The following MIR2052HG variants were observed in gnomAD, a reference collection of about 807,000 sequenced individuals.
The protein encoded by MIR2052HG is MIR2052 host gene.
intron 2 of MIR2052HG, among the ~76,000 whole-genome samples, chr8:74,688,403 C>A (rs1346355200): frequency 6.6e-6 from 1 of 152,134 alleles, no homozygotes; most frequent in Non-Finnish European, 1.5e-5. Context: ...AAGAACTAAT[C>A]ATTTAATGTA....
intron 2 of MIR2052HG, among the ~76,000 whole-genome samples, chr8:74,693,497 C>T (rs1809260783): frequency 6.6e-6 from 1 of 151,242 alleles, no homozygotes; most frequent in African/African-American, 2.4e-5. Context: ...GGCAGGATTC[C>T]TGAAAGCCCT....
chr8:74,602,817 G>GTTTCTTTCTCTTTCTTTCTTTCTTTC (rs1808023445), intron 1 of MIR2052HG, among the ~76,000 whole-genome samples: 1 of 73,786 alleles, frequency 1.4e-5, no homozygotes, highest in African/African-American at 6.3e-5. Context: ...GCCCGGCCGT[G>GTTTCTTTCTCTTTCTTTCTTTCTTTC]TTTCTTTCTT....
chr8:74,742,954 G>A (rs1289981068), intron 4 of MIR2052HG, among the ~76,000 whole-genome samples: 1 of 151,644 alleles, frequency 6.6e-6, no homozygotes, highest in East Asian at 1.9e-4. Flanking sequence ...TTTGGTTGTG[G>A]AAAAAAAATG....
chr8:74,697,602 G>C (rs1040116310), intron 2 of MIR2052HG, among the ~76,000 whole-genome samples: 9 of 151,982 alleles, frequency 5.9e-5, no homozygotes, highest in African/African-American at 2.2e-4. Context: ...AAAAGCTCCT[G>C]GAACTGATAA....
At chr8:74,653,582 G>T (rs771428853) in intron 2 of MIR2052HG, among the ~76,000 whole-genome samples, 2 of 152,106 alleles carry the variant, frequency 1.3e-5, no homozygotes, top group Non-Finnish European at 2.9e-5. Context: ...ACTGATGTAA[G>T]AATTGAGTGT....
At chr8:74,707,068 T>C (rs986127730) in intron 4 of MIR2052HG, among the ~76,000 whole-genome samples, 1 of 152,148 alleles carries the variant, frequency 6.6e-6, no homozygotes. Flanking sequence ...ATTCAATATT[T>C]ATAAAATAAC....
chr8:74,681,973 T>C (rs1346851019), intron 2 of MIR2052HG, among the ~76,000 whole-genome samples: 1 of 152,150 alleles, frequency 6.6e-6, no homozygotes. Flanking sequence ...GGTGCTGAGA[T>C]ATTTGGTTAC....
chr8:74,603,578 T>C, intron 1 of MIR2052HG: 1 of 1,546,644 alleles, frequency 6.5e-7, no homozygotes, highest in Non-Finnish European at 8.9e-7. Flanking sequence ...CCATGCGTCA[T>C]GGGAAAATGA....
intron 2 of MIR2052HG, among the ~76,000 whole-genome samples, chr8:74,689,780 C>T (rs1046051134): frequency 6.6e-5 from 10 of 152,134 alleles, no homozygotes; most frequent in Non-Finnish European, 1.2e-4. Flanking sequence ...ATTTGACAAA[C>T]GCTATGATTT....
intron 1 of MIR2052HG, among the ~76,000 whole-genome samples, chr8:74,607,468 C>T (rs754566046): frequency 2.6e-4 from 40 of 152,074 alleles, no homozygotes; most frequent in Admixed American, 1.2e-3. Flanking sequence ...AAAAATTAGC[C>T]GGGCGTGGTG....
intron 4 of MIR2052HG, among the ~76,000 whole-genome samples, chr8:74,734,810 G>T (rs916045714): frequency 1.3e-5 from 2 of 152,160 alleles, no homozygotes; most frequent in African/African-American, 4.8e-5. Flanking sequence ...GATTTACTGT[G>T]GTTTCAGAGG....
intron 1 of MIR2052HG, chr8:74,603,484 C>T (rs911285980): frequency 1.3e-6 from 2 of 1,591,522 alleles, no homozygotes; most frequent in Non-Finnish European, 8.6e-7. Flanking sequence ...CCCGATTATG[C>T]AGCCAATCAA....
chr8:74,757,973 A>T (rs1267347781), intron 5 of MIR2052HG: 1 of 152,190 alleles, frequency 6.6e-6, no homozygotes, highest in Non-Finnish European at 1.5e-5. Context: ...CACAAAGAAT[A>T]AACAAGAAGA....
chr8:74,643,015 C>T (rs1563521118), intron 2 of MIR2052HG, among the ~76,000 whole-genome samples: 1 of 152,166 alleles, frequency 6.6e-6, no homozygotes, highest in Non-Finnish European at 1.5e-5. Flanking sequence ...ACTTCCATTC[C>T]CTCCAACAAT....
chr8:74,714,467 C>G (rs1809500508), intron 4 of MIR2052HG, among the ~76,000 whole-genome samples: 1 of 152,124 alleles, frequency 6.6e-6, no homozygotes, highest in Non-Finnish European at 1.5e-5. Flanking sequence ...TAGATTTAGT[C>G]AGTGTATCCA....
chr8:74,635,585 G>A (rs892334386), intron 2 of MIR2052HG, among the ~76,000 whole-genome samples: 3 of 152,178 alleles, frequency 2.0e-5, no homozygotes, highest in African/African-American at 2.4e-5. Context: ...TCAAACTGGG[G>A]TCATCTTTAA....
At chr8:74,726,458 T>C (rs968037705) in intron 4 of MIR2052HG, among the ~76,000 whole-genome samples, 4 of 152,210 alleles carry the variant, frequency 2.6e-5, no homozygotes, top group African/African-American at 9.6e-5. Flanking sequence ...AAGTTCCCTT[T>C]CCTCAGATTC....
intron 5 of MIR2052HG, chr8:74,752,599 AACT>A (rs1809959581): frequency 4.7e-6 from 2 of 429,956 alleles, no homozygotes; most frequent in Admixed American, 2.7e-5. Flanking sequence ...ACTGTGGTTA[AACT>A]GCCTTAGCCA....
chr8:74,603,734 G>C (rs76887227), intron 1 of MIR2052HG: 3 of 872,952 alleles, frequency 3.4e-6, no homozygotes, highest in African/African-American at 1.6e-5. Context: ...ACGCCCTTCG[G>C]GGGGGACTCC....
Sources: allele counts gnomAD v4.1 joint callset (sites outside exome capture counted in the v4.1 genomes callset), GRCh38; gene constraint gnomAD v4.1.1; transcripts MANE v1.5; gene names NCBI Gene and HGNC (gene_info 2026-07-23, HGNC 2026-07-21).